FAM81B: variants seen among roughly 807,000 people sequenced by gnomAD.
FAM81B encodes the protein protein FAM81B.
Under a neutral mutation model 58.7 loss-of-function variants are expected in FAM81B, and 60 were observed. The observed-to-expected ratio is 1.02, with a 90% CI of 0.83 to 1.27. The LOEUF is 1.27. FAM81B is among the 50% of genes most tolerant of loss of function. The pLI is 0.00. For missense variants in FAM81B, 491 were observed against 522.0 expected, an observed-to-expected ratio of 0.94 and a Z score of 0.58; for synonymous variants, 189 against 179.6, an observed-to-expected ratio of 1.05 and a Z score of -0.42.
At chr5:95,431,853 C>T (rs770052806) in intron 6 of FAM81B, among the ~76,000 whole-genome samples, 2 of 151,920 alleles carry the variant, frequency 1.3e-5, no homozygotes, top group Non-Finnish European at 2.9e-5. Context: ...GTTTCCCTTC[C>T]TCCCCAAGAA....
At chr5:95,395,437 C>T (rs1761940690) in intron 2 of FAM81B, among the ~76,000 whole-genome samples, 1 of 95,328 alleles carries the variant, frequency 1.0e-5, no homozygotes, top group African/African-American at 4.4e-5. Flanking sequence ...AGCGAGACCC[C>T]GTCTCAAAAA....
intron 5 of FAM81B, 125 bp from the exon 6 acceptor site, chr5:95,428,478 A>G (rs1762909303): frequency 8.3e-7 from 1 of 1,202,760 alleles, no homozygotes; most frequent in Admixed American, 2.2e-5. Context: ...ACACTCCTAT[A>G]TCTACCAACT....
At chr5:95,423,687 C>T (rs1762747810) in intron 5 of FAM81B, among the ~76,000 whole-genome samples, 1 of 152,076 alleles carries the variant, frequency 6.6e-6, no homozygotes, top group Non-Finnish European at 1.5e-5. Context: ...TTATTCCACT[C>T]CTCTTACTTG....
At position 95,414,235 on chromosome 5, in the gene FAM81B, C is replaced by A. The variant is rs542640173; in HGVS notation, c.537+45C>A. 6 of 1,560,866 alleles carry A rather than the reference C, an allele frequency of 3.8e-6. No homozygotes were observed. In the East Asian group the frequency reaches 1.1e-4, roughly 29 times the overall value. On this transcript the variant is annotated intron_variant, in intron 4 of 9. Coordinates refer to ENST00000283357, the MANE Select transcript of FAM81B (RefSeq NM_152548.3). ...ATTTTGTTTTTGTTTTGTATTTTGGCAGCATTGCTTGATAAAGATTATCAA... is the reference window on the plus strand; with the variant it reads ...ATTTTGTTTTTGTTTTGTATTTTGGAAGCATTGCTTGATAAAGATTATCAA...
At chr5:95,406,885 T>A (rs911511649) in intron 3 of FAM81B, among the ~76,000 whole-genome samples, 8 of 152,132 alleles carry the variant, frequency 5.3e-5, no homozygotes, top group Non-Finnish European at 1.0e-4. Flanking sequence ...AGCTGTCATA[T>A]CCCTCTGGGG....
intron 5 of FAM81B, among the ~76,000 whole-genome samples, chr5:95,422,146 TTGAAAGAC>T (rs398065044): frequency 1.0e-5 from 1 of 96,062 alleles, no homozygotes; most frequent in Admixed American, 9.9e-5. Context: ...TGGGAAAGAC[TTGAAAGAC>T]TTTGTAGTTC....
rs569853168 is a variant in FAM81B at position 95,410,524 on chromosome 5, A to G, written c.294-3423A>G. On this transcript the variant is annotated intron_variant, in intron 3 of 9. Transcript: ENST00000283357. ...AAATCTGTCACTATTGGCCTAAAGCAAATAGTTATTTTGGCTCATGCAATG... is the reference window on the plus strand; with the variant it reads ...AAATCTGTCACTATTGGCCTAAAGCGAATAGTTATTTTGGCTCATGCAATG... Among the ~76,000 whole-genome samples the G allele has an allele frequency of 1.6e-4, 25 of 152,330 alleles. 1 individual carries two copies. The highest frequency in any genetic ancestry group is 1.2e-3 in the South Asian group (6 of 4,826).
At chr5:95,435,940 C>T (rs936180808) in intron 6 of FAM81B, among the ~76,000 whole-genome samples, 1 of 152,160 alleles carries the variant, frequency 6.6e-6, no homozygotes, top group African/African-American at 2.4e-5. Context: ...CAACACTTAC[C>T]TATTCAAATC....
chr5:95,407,436 A>AC (rs1491521302), intron 3 of FAM81B, among the ~76,000 whole-genome samples: 15 of 151,630 alleles, frequency 9.9e-5, no homozygotes, highest in African/African-American at 3.6e-4. Context: ...GCGCGCACAC[A>AC]AACACACACG....
intron 7 of FAM81B, among the ~76,000 whole-genome samples, chr5:95,439,236 G>GTGTATATATATA (rs1554046246): frequency 9.5e-6 from 1 of 105,186 alleles, no homozygotes; most frequent in Non-Finnish European, 1.9e-5. Flanking sequence ...AGGTTAAAGA[G>GTGTATATATATA]TATATATATA....
At chr5:95,392,588 T>C (rs2152759337) in intron 1 of FAM81B, among the ~76,000 whole-genome samples, 1 of 152,270 alleles carries the variant, frequency 6.6e-6, no homozygotes, top group South Asian at 2.1e-4. Context: ...TGTAAAGAAA[T>C]GCTCTTCTAG....
intron 3 of FAM81B, among the ~76,000 whole-genome samples, chr5:95,405,452 C>G (rs1016186832): frequency 2.0e-5 from 3 of 151,940 alleles, no homozygotes; most frequent in African/African-American, 7.3e-5. Flanking sequence ...TTTTCCATAC[C>G]TAATGGTTCT....
chr5:95,416,237 C>T (rs527622726), intron 4 of FAM81B, among the ~76,000 whole-genome samples: 1 of 152,168 alleles, frequency 6.6e-6, no homozygotes, highest in Non-Finnish European at 1.5e-5. Flanking sequence ...AAGAACCTAA[C>T]CTCATTAACC....
chr5:95,427,411 A>AT (rs1012764999), intron 5 of FAM81B, among the ~76,000 whole-genome samples: 6 of 151,950 alleles, frequency 3.9e-5, no homozygotes, highest in African/African-American at 1.2e-4. Context: ...CTAATTCCTA[A>AT]TTTTTTCTCC....
At chr5:95,448,776 T>C (rs1421026895) in intron 9 of FAM81B, 3 of 462,534 alleles carry the variant, frequency 6.5e-6, no homozygotes, top group Non-Finnish European at 1.3e-5. Context: ...TCCTTGGACA[T>C]ACCCAAGACG....
At chr5:95,410,843 G>C (rs1762386901) in intron 3 of FAM81B, 1 of 152,106 alleles carries the variant, frequency 6.6e-6, no homozygotes, top group Non-Finnish European at 1.5e-5. Context: ...TAAGTTACAG[G>C]TGACCTAGAG....
intron 5 of FAM81B, among the ~76,000 whole-genome samples, chr5:95,424,364 G>A (rs545188426): frequency 2.1e-4 from 32 of 151,052 alleles, no homozygotes; most frequent in Non-Finnish European, 3.7e-4. Context: ...ACTTCATGAA[G>A]GAACTGCCCA....
chr5:95,392,141 G>A (rs192891109), intron 1 of FAM81B, among the ~76,000 whole-genome samples: 2,887 of 152,214 alleles, frequency 0.019, 41 homozygotes, highest in South Asian at 0.03. Flanking sequence ...AGAAAATGCC[G>A]CACATATACA....
In FAM81B at chr5:95,414,070, C is replaced by T. The variant is rs1478797357; in HGVS notation, c.417C>T (p.Ile139=). 5 of 1,614,000 alleles carry T rather than the reference C, an allele frequency of 3.1e-6. No individual in the cohort carries two copies. The African/African-American group carries it at 4.0e-5, about 13-fold the overall frequency. Residue 139 remains isoleucine (I), a synonymous_variant, in exon 4 of 10, where the codon ATC becomes ATT. Transcript: ENST00000283357. ...AAGCCTTCCGCATCAAGGAGGACAT[C>T]TCTGCTTGCCTGCAGGGGACCCATG... ...LEQAFRIKED[I]SACLQGTHGF... is the part of the protein sequence containing the mutation.
Sources: gnomAD v4.1 joint callset for allele counts (sites outside exome capture counted in the v4.1 genomes callset) on GRCh38, gnomAD v4.1.1 for gene constraint, MANE v1.5 for transcripts, NCBI Gene and HGNC (gene_info 2026-07-23, HGNC 2026-07-21) for gene names.